PCDH11X: variants seen among roughly 807,000 people sequenced by gnomAD.
PCDH11X encodes the protein protocadherin-11 X-linked.
A neutral mutation model predicts 53.3 loss-of-function variants in PCDH11X; 18 were observed. The observed-to-expected ratio is 0.34, with a 90% confidence interval of 0.23 to 0.50. PCDH11X has a LOEUF of 0.50. PCDH11X is among the 20% of genes least tolerant of loss of function. The pLI, the probability that PCDH11X is intolerant of heterozygous loss-of-function variation, is 0.98. For missense variants in PCDH11X, 570 were observed against 1,032.4 expected, an observed-to-expected ratio of 0.55 and a Z score of 6.14; for synonymous variants, 279 against 393.3, an observed-to-expected ratio of 0.71 and a Z score of 3.44.
intron 6 of PCDH11X, among the ~76,000 whole-genome samples, chrX:92,064,028 G>A (rs1450119004): frequency 9.2e-6 from 1 of 108,844 alleles, no homozygotes; most frequent in Non-Finnish European, 1.9e-5. Flanking sequence ...GCTTGCTCAT[G>A]TGTACCAGTA....
chrX:92,017,658 T>C (rs1490578298), intron 6 of PCDH11X, among the ~76,000 whole-genome samples: 2 of 101,773 alleles, frequency 2.0e-5, no homozygotes, highest in Non-Finnish European at 4.0e-5. Context: ...GAAGCCAAGA[T>C]GGTGCCACGG....
intron 7 of PCDH11X, among the ~76,000 whole-genome samples, chrX:92,214,559 G>A (rs748225808): frequency 3.5e-4 from 39 of 111,906 alleles, no homozygotes; most frequent in African/African-American, 4.2e-4. Flanking sequence ...TAAAGTGAGC[G>A]TATGGGAGAT....
chrX:91,785,506 G>A (rs1252237022), intron 1 of PCDH11X, among the ~76,000 whole-genome samples: 5 of 111,811 alleles, frequency 4.5e-5, no homozygotes, highest in Non-Finnish European at 7.5e-5. Context: ...ATTCAACATC[G>A]CTGGGAATTG....
chrX:92,286,559 C>T (rs1333916258), intron 8 of PCDH11X, among the ~76,000 whole-genome samples: 1 of 101,392 alleles, frequency 9.9e-6, no homozygotes, highest in Non-Finnish European at 2.0e-5. Flanking sequence ...CAATTCAGGT[C>T]TCTTCCTTCA....
At chrX:92,364,442 A>G (rs2070417336) in intron 8 of PCDH11X, among the ~76,000 whole-genome samples, 1 of 110,927 alleles carries the variant, frequency 9.0e-6, no homozygotes, top group Non-Finnish European at 1.9e-5. Flanking sequence ...AGAAAATGCT[A>G]CATTTGTATA....
chrX:92,338,581 T>C (rs1327211011), intron 8 of PCDH11X, among the ~76,000 whole-genome samples: 1 of 110,904 alleles, frequency 9.0e-6, no homozygotes, highest in Non-Finnish European at 1.9e-5. Flanking sequence ...TCACTATCTA[T>C]TAGAGCAAAT....
Position 91,937,263 on chromosome X carries a change from G to A in PCDH11X, c.3033+57990G>A, listed in dbSNP as rs937177084. On this transcript the variant is annotated intron_variant, in intron 6 of 10. Coordinates refer to ENST00000682573, the MANE Select transcript of PCDH11X (RefSeq NM_032968.5). Reference sequence around the variant, plus strand: ...ATCAGTACTATGTTGTTACAGTTTCGGGAATCTAGTCGAATTTACACAATT... The same window carrying A: ...ATCAGTACTATGTTGTTACAGTTTCAGGAATCTAGTCGAATTTACACAATT... Among the ~76,000 whole-genome samples the A allele has an allele frequency of 5.5e-5, 6 of 110,002 alleles. No individual in the cohort carries two copies. In the East Asian group the frequency reaches 1.2e-3, roughly 21 times the overall value.
At chrX:91,826,695 A>G (rs1332639258) in intron 4 of PCDH11X, among the ~76,000 whole-genome samples, 1 of 70,688 alleles carries the variant, frequency 1.4e-5, no homozygotes, top group African/African-American at 5.6e-5. Flanking sequence ...CATCCCACTT[A>G]AAAATGAGAA....
chrX:92,204,281 T>G (rs1351570427), intron 7 of PCDH11X, among the ~76,000 whole-genome samples: 3 of 112,144 alleles, frequency 2.7e-5, no homozygotes, highest in African/African-American at 9.7e-5. Context: ...AATTTTTCTT[T>G]TCTATCATAT....
intron 5 of PCDH11X, among the ~76,000 whole-genome samples, chrX:91,868,537 A>G (rs1338197490): frequency 8.9e-6 from 1 of 111,831 alleles, no homozygotes; most frequent in African/African-American, 3.3e-5. Flanking sequence ...AGCACTCAAG[A>G]AGCCCTGAGA....
chrX:92,366,298 T>C (rs1002779194), intron 8 of PCDH11X, among the ~76,000 whole-genome samples: 4 of 111,190 alleles, frequency 3.6e-5, no homozygotes, highest in Non-Finnish European at 7.5e-5. Context: ...TATTCTCTGA[T>C]GGTAGTTTGT....
At chrX:92,521,668 A>G (rs1446064918) in intron 10 of PCDH11X, among the ~76,000 whole-genome samples, 2 of 110,647 alleles carry the variant, frequency 1.8e-5, no homozygotes, top group Non-Finnish European at 3.8e-5. Context: ...TCTTTTCTCT[A>G]TGAAAGTCCT....
chrX:92,584,618 T>TA (rs1447946405), intron 10 of PCDH11X, among the ~76,000 whole-genome samples: 1 of 109,334 alleles, frequency 9.1e-6, no homozygotes, highest in Non-Finnish European at 1.9e-5. Context: ...ACTTTGTTGT[T>TA]AAAAATATTC....
In PCDH11X at chrX:91,835,979, A is replaced by G; in HGVS notation, c.475A>G (p.Thr159Ala). Residue 159 changes from threonine to alanine, a missense_variant, in exon 5 of 11, where the codon ACT becomes GCT. By Grantham distance (58) the Thr-to-Ala change is moderately conservative. Transcript: ENST00000682573. Reference sequence around the variant, plus strand: ...GAACTCGGCTATAAACTCTAAATATACTCTCCCAGCGGCTGTTGATCCTGA... The same window carrying G: ...GAACTCGGCTATAAACTCTAAATATGCTCTCCCAGCGGCTGTTGATCCTGA... The part of the protein sequence containing the change: ...PENSAINSKY[T>A]LPAAVDPDVG... 1 of 1,210,881 alleles carries G rather than the reference A, an allele frequency of 8.3e-7. No homozygotes were observed. Among genetic ancestry groups the G allele is most frequent in the Non-Finnish European group, 1.1e-6 (1 of 895,320 alleles).
chrX:92,070,043 A>C (rs1347956147), intron 6 of PCDH11X, among the ~76,000 whole-genome samples: 11 of 111,747 alleles, frequency 9.8e-5, no homozygotes, highest in Admixed American at 1.9e-4. Context: ...GCAAAAAAAA[A>C]CTAATAAAAA....
chrX:92,439,557 T>G (rs1053913951), intron 9 of PCDH11X, among the ~76,000 whole-genome samples: 1 of 110,160 alleles, frequency 9.1e-6, no homozygotes, highest in Non-Finnish European at 1.9e-5. Flanking sequence ...GTGATTGAGT[T>G]TATAAATCAA....
At chrX:92,140,742 C>A (rs2065165191) in intron 6 of PCDH11X, among the ~76,000 whole-genome samples, 1 of 111,352 alleles carries the variant, frequency 9.0e-6, no homozygotes, top group Non-Finnish European at 1.9e-5. Context: ...TTTATAAAAA[C>A]AACCAGCTCT....
intron 10 of PCDH11X, among the ~76,000 whole-genome samples, chrX:92,474,287 T>G (rs2073329909): frequency 9.0e-6 from 1 of 111,177 alleles, no homozygotes; most frequent in East Asian, 2.8e-4. Context: ...TTTTAGTTTT[T>G]ATTGGCATGG....
chrX:91,926,051 T>G (rs1354562463), intron 6 of PCDH11X, among the ~76,000 whole-genome samples: 7 of 93,877 alleles, frequency 7.5e-5, no homozygotes, highest in Non-Finnish European at 1.5e-4. Flanking sequence ...ACAGGATGTA[T>G]GCATATATAC....
Sources: allele counts gnomAD v4.1 joint callset (sites outside exome capture counted in the v4.1 genomes callset), GRCh38; gene constraint gnomAD v4.1.1; transcripts MANE v1.5; gene names NCBI Gene and HGNC (gene_info 2026-07-23, HGNC 2026-07-21).